The following OCA2 variants were observed in gnomAD, a reference collection of about 807,000 sequenced individuals.
OCA2 encodes P protein.
OCA2 carries 77 observed loss-of-function variants against 100.2 expected under a neutral mutation model. The ratio of observed to expected loss-of-function variants is 0.77; its 90% CI spans 0.64 to 0.93. OCA2 has a LOEUF of 0.93. Ranked by LOEUF, OCA2 falls within the 40% of genes least tolerant of loss-of-function variation. OCA2 has a pLI of 0.00. For synonymous variants in OCA2, 432 were observed against 439.2 expected (o/e 0.98, Z 0.21); for missense variants, 1,062 against 1,089.1 (o/e 0.98, Z 0.35).
intron 23 of OCA2, among the ~76,000 whole-genome samples, chr15:27,811,021 T>C (rs2034052920): frequency 6.6e-6 from 1 of 150,550 alleles, no homozygotes; most frequent in African/African-American, 2.5e-5. Context: ...CAGTACTGAG[T>C]ATCTACCCAA....
At chr15:27,725,169 A>G in the OCA2 span, among the ~76,000 whole-genome samples, 42 of 152,324 alleles carry the variant, frequency 2.8e-4, no homozygotes, top group African/African-American at 9.9e-4. Context: ...TCGAAGGGCC[A>G]CACATACAGG....
At chr15:27,757,524 T>C (rs1486047576) in intron 23 of OCA2, among the ~76,000 whole-genome samples, 1 of 152,220 alleles carries the variant, frequency 6.6e-6, no homozygotes, top group Non-Finnish European at 1.5e-5. Context: ...TCTTCTGGCT[T>C]CAAAACCCAA....
At chr15:28,062,382 AT>A (rs1412118932) in intron 2 of OCA2, among the ~76,000 whole-genome samples, 1 of 152,196 alleles carries the variant, frequency 6.6e-6, no homozygotes, top group Non-Finnish European at 1.5e-5. Context: ...AGAAATGCCT[AT>A]TTAAATATTT....
At position 28,081,793 on chromosome 15, in the gene OCA2, G is replaced by A; in HGVS notation, c.82C>T (p.Leu28Phe). 6.2e-7 allele frequency: 1 copy of A among 1,612,950 alleles called. No homozygotes were observed. Among genetic ancestry groups the A allele is most frequent in the Non-Finnish European group, 8.5e-7 (1 of 1,179,850 alleles). The change falls in exon 2 of 24, where the codon CTC becomes TTC. Residue 28 changes from leucine to phenylalanine, a missense_variant. Coordinates refer to ENST00000354638, the MANE Select transcript of OCA2 (RefSeq NM_000275.3). ...CGCTTGCCGGCCACAAGTTCAGCGA[G>A]TCCGCTGGGCACGGACGTCTGCAGG... ...ELLQTSVPSGLAELVAGKRRL... is the reference protein window; with the variant it reads ...ELLQTSVPSGFAELVAGKRRL...
chr15:28,081,598 C>A (rs2141895191), intron 2 of OCA2, 50 bp downstream of exon 2: 1 of 1,555,392 alleles, frequency 6.4e-7, no homozygotes, highest in African/African-American at 1.4e-5. Flanking sequence ...TCATGGAAAC[C>A]CAATCTGTGT....
intron 18 of OCA2, among the ~76,000 whole-genome samples, chr15:27,947,614 G>A (rs1462251797): frequency 1.3e-5 from 2 of 152,210 alleles, no homozygotes; most frequent in Non-Finnish European, 2.9e-5. Flanking sequence ...GCGGTCGCAT[G>A]GCCTCGGCAC....
chr15:27,787,847 T>C (rs184415682), intron 23 of OCA2, among the ~76,000 whole-genome samples: 23 of 152,098 alleles, frequency 1.5e-4, no homozygotes, highest in Non-Finnish European at 2.7e-4. Context: ...TTTTCTTCTT[T>C]TCCGTCATAG....
intron 23 of OCA2, among the ~76,000 whole-genome samples, chr15:27,825,301 G>C (rs2034675860): frequency 6.6e-6 from 1 of 152,186 alleles, no homozygotes; most frequent in African/African-American, 2.4e-5. Flanking sequence ...CCACGCGTCA[G>C]GAAGCACACG....
At chr15:28,049,091 G>T (rs1381526447) in intron 2 of OCA2, among the ~76,000 whole-genome samples, 1 of 151,940 alleles carries the variant, frequency 6.6e-6, no homozygotes, top group Non-Finnish European at 1.5e-5. Context: ...TATTGATAAG[G>T]GTCTAGTATC....
At chr15:27,935,054 G>A (rs2703954) in intron 18 of OCA2, among the ~76,000 whole-genome samples, 29,464 of 151,972 alleles carry the variant, frequency 0.19, 3,259 homozygotes, top group South Asian at 0.36. Context: ...GGCTCCTCAG[G>A]GACACTGACA....
At chr15:27,929,721 T>C (rs1474359226) in intron 18 of OCA2, among the ~76,000 whole-genome samples, 1 of 151,814 alleles carries the variant, frequency 6.6e-6, no homozygotes, top group Non-Finnish European at 1.5e-5. Flanking sequence ...TGGGAGAAAA[T>C]ATTTCCAAAT....
rs1595767086 is a variant in OCA2 at position 27,986,475 on chromosome 15, A to G, written c.1239+112T>C. 1.0e-5 allele frequency: 8 copies of G among 803,182 alleles called. No individual in the cohort carries two copies. The East Asian group carries it at 2.1e-4, about 21-fold the overall frequency. 49.8% of individuals were successfully genotyped at this position (803,182 alleles called of 1,614,324 possible). On this transcript the variant is annotated intron_variant, in intron 12 of 23. Coordinates refer to ENST00000354638, the MANE Select transcript of OCA2 (RefSeq NM_000275.3). ...TGCAGAAGCAACCTTTAAAAGAAGG[A>G]TGGAATTTTTCAATGTTTGTTTTAA...
At chr15:27,972,844 TTTTATTTTATTTTA>T (rs2040839283) in intron 14 of OCA2, among the ~76,000 whole-genome samples, 1 of 127,596 alleles carries the variant, frequency 7.8e-6, no homozygotes, top group Non-Finnish European at 1.6e-5. Context: ...TTTTATTTTA[TTTTATTTTATTTTA>T]TTTTATTTTA....
At chr15:27,871,835 G>A (rs1188005472) in intron 20 of OCA2, 28 bp downstream of exon 20, 3 of 1,425,718 alleles carry the variant, frequency 2.1e-6, no homozygotes, top group Admixed American at 3.4e-5. Flanking sequence ...AGTGGCTGGA[G>A]TGCCTTCTAT....
chr15:27,873,096 G>A (rs963143563), intron 19 of OCA2, among the ~76,000 whole-genome samples: 4 of 152,236 alleles, frequency 2.6e-5, no homozygotes, highest in Admixed American at 2.6e-4. Context: ...CTTCAATCAC[G>A]ATTCTCCATC....
intron 23 of OCA2, among the ~76,000 whole-genome samples, chr15:27,820,569 TCACAG>T (rs2034466482): frequency 6.6e-6 from 1 of 152,130 alleles, no homozygotes; most frequent in South Asian, 2.1e-4. Context: ...TGAGAAACTG[TCACAG>T]CTAAGAAGGG....
the OCA2 span, among the ~76,000 whole-genome samples, chr15:27,719,247 C>A: frequency 1.3e-5 from 2 of 152,278 alleles, no homozygotes; most frequent in South Asian, 4.1e-4. Flanking sequence ...GGTCTTCCTT[C>A]CTTGCCTTGC....
At chr15:27,844,147 C>G (rs2035446223) in intron 23 of OCA2, among the ~76,000 whole-genome samples, 1 of 152,226 alleles carries the variant, frequency 6.6e-6, no homozygotes, top group Non-Finnish European at 1.5e-5. Context: ...AGGGCCCCAG[C>G]GCGGACTCAG....
At chr15:28,058,578 G>C (rs1275507219) in intron 2 of OCA2, among the ~76,000 whole-genome samples, 4 of 152,148 alleles carry the variant, frequency 2.6e-5, no homozygotes, top group African/African-American at 9.7e-5. Context: ...CCCTGAGGTG[G>C]CAAACCCAGA....
Sources: gnomAD v4.1 joint callset for allele counts (sites outside exome capture counted in the v4.1 genomes callset) on GRCh38, gnomAD v4.1.1 for gene constraint, MANE v1.5 for transcripts, NCBI Gene and HGNC (gene_info 2026-07-23, HGNC 2026-07-21) for gene names.